Variants in ZNF724 observed in about 807,000 individuals in gnomAD.
ZNF724 encodes the protein zinc finger protein 724 pseudogene.
In ZNF724, 14 loss-of-function variants were observed where a neutral mutation model predicts 29.3. The ratio of observed to expected loss-of-function variants is 0.48; its 90% confidence interval spans 0.32 to 0.75. ZNF724 has a LOEUF of 0.75. ZNF724 is among the 30% of genes least tolerant of loss of function. ZNF724 has a pLI of 0.04. For missense variants in ZNF724, 557 were observed against 571.2 expected (o/e 0.98, Z 0.25); for synonymous variants, 180 against 193.6 (o/e 0.93, Z 0.58).
At position 23,224,863 on chromosome 19, in the gene ZNF724, G is replaced by A. The variant is rs1264986635; in HGVS notation, c.227-845C>T. On this transcript the variant is annotated intron_variant, in intron 3 of 3. Transcript: ENST00000418100. ...CCAGCTACTTGGGAGGCTAAGGCAG[G>A]AGAATCGCTTGAACCTGGGAGGCAG... 9.9e-5 allele frequency among the ~76,000 whole-genome samples: 15 copies of A among 151,958 alleles called. No individual in the cohort carries two copies. In the South Asian group the frequency reaches 2.7e-3, roughly 27 times the overall value.
chr19:23,232,808 T>C (rs1353708660), intron 1 of ZNF724, among the ~76,000 whole-genome samples: 1 of 52,502 alleles, frequency 1.9e-5, no homozygotes, highest in African/African-American at 6.5e-5. Flanking sequence ...ACAAGTGAAA[T>C]AACCTGTTTT....
Position 23,223,283 on chromosome 19 carries a change from T to C in ZNF724, c.962A>G (p.Gln321Arg). The change falls in exon 4 of 4, where the codon CAA becomes CGA. Residue 321 changes from glutamine (Q) to arginine (R), a missense_variant. By Grantham distance (43) the Gln-to-Arg change is conservative. This residue lies in a region of ZNF724 where 362 missense variants were observed against 295.5 expected (regional missense o/e 1.22). Coordinates refer to ENST00000418100, the MANE Select transcript of ZNF724 (RefSeq NM_001355404.2). ...CTTATGTTTAGTAAGGTTCGAGGAT[T>C]GGTTAAAAGCTCTGCCACAATGTTC... Reference protein sequence around the residue: ...ICEHCGRAFNQSSNLTKHKRI... With the variant: ...ICEHCGRAFNRSSNLTKHKRI... The C allele has an allele frequency of 1.2e-6, 1 of 802,506 alleles. No individual in the cohort carries two copies. The highest frequency in any genetic ancestry group is 2.2e-6 in the Non-Finnish European group (1 of 447,284). 49.7% of individuals were successfully genotyped at this position (802,506 alleles called of 1,614,324 possible). A position where few individuals can be genotyped will look rare whatever the true frequency, so the allele number is the denominator to read the frequency against.
chr19:23,221,880 A>C lies in ZNF724; in HGVS notation c.*505T>G, dbSNP rs1971720807. 6.7e-6 allele frequency: 1 copy of C among 149,816 alleles called. No individual in the cohort carries two copies. 9.3% of individuals were successfully genotyped at this position (149,816 alleles called of 1,614,324 possible). On this transcript the variant is annotated 3_prime_UTR_variant, in exon 4 of 4. Transcript: ENST00000418100. ...GCCTGAGCCACCATGCCCAGCTTACACTCTTGATATTTTAATGCTTGTCTT... is the reference window on the plus strand; with the variant it reads ...GCCTGAGCCACCATGCCCAGCTTACCCTCTTGATATTTTAATGCTTGTCTT...
rs769103478 is a variant in ZNF724 at position 23,223,718 on chromosome 19, C to T, written c.527G>A (p.Gly176Asp). The T allele has an allele frequency of 2.8e-5, 20 of 723,010 alleles. No homozygotes were observed. In the East Asian group the frequency reaches 4.8e-4, roughly 17 times the overall value. 44.8% of individuals were successfully genotyped at this position (723,010 alleles called of 1,614,324 possible). Residue 176 changes from glycine (G) to aspartate (D), a missense_variant, in exon 4 of 4, where the codon GGC (glycine) becomes GAC (aspartate). By Grantham distance (94) the Gly-to-Asp change is moderately conservative. Coordinates refer to ENST00000418100, the MANE Select transcript of ZNF724 (RefSeq NM_001355404.2). ...GTGTGAAAGAACACAAAATGACTTG[C>T]CACATTCTTTACATTTGAAAGGATT... ...EKNPFKCKEC[G>D]KSFCVLSHLT...
At chr19:23,229,841 T>C (rs1971904073) in intron 3 of ZNF724, among the ~76,000 whole-genome samples, 1 of 152,214 alleles carries the variant, frequency 6.6e-6, no homozygotes, top group Non-Finnish European at 1.5e-5. Context: ...TGCAAAACTA[T>C]ATTGTGCCCA....
intron 3 of ZNF724, among the ~76,000 whole-genome samples, chr19:23,225,158 T>C (rs1971804286): frequency 6.6e-6 from 1 of 152,210 alleles, no homozygotes; most frequent in African/African-American, 2.4e-5. Flanking sequence ...ATCCAAAGTA[T>C]GCAACACAGG....
chr19:23,249,785 C>T (rs1417103679), intron 1 of ZNF724, among the ~76,000 whole-genome samples: 1 of 152,164 alleles, frequency 6.6e-6, no homozygotes, highest in Non-Finnish European at 1.5e-5. Context: ...CCGCCCGCCT[C>T]GGCCTCTCGA....
chr19:23,225,479 G>A (rs2145772049), intron 3 of ZNF724, among the ~76,000 whole-genome samples: 1 of 152,116 alleles, frequency 6.6e-6, no homozygotes. Context: ...GATGGTGGGT[G>A]CCTGTATTCC....
At chr19:23,242,742 TA>T (rs1972151673) in intron 1 of ZNF724, 1 of 127,820 alleles carries the variant, frequency 7.8e-6, no homozygotes, top group East Asian at 2.4e-4. Context: ...ATAATAATAA[TA>T]ATAATAATAA....
At chr19:23,229,007 G>T (rs1450777563) in intron 3 of ZNF724, among the ~76,000 whole-genome samples, 1 of 151,958 alleles carries the variant, frequency 6.6e-6, no homozygotes, top group Non-Finnish European at 1.5e-5. Context: ...AGGTTACAGT[G>T]AGTTGAGATG....
intron 1 of ZNF724, chr19:23,242,718 A>T (rs1972149354): frequency 2.3e-5 from 1 of 44,416 alleles, no homozygotes; most frequent in African/African-American, 6.5e-5. Context: ...CGTCTGAAAA[A>T]AGAAAAAGTA....
At chr19:23,224,680 G>A (rs1176577032) in intron 3 of ZNF724, among the ~76,000 whole-genome samples, 1 of 150,540 alleles carries the variant, frequency 6.6e-6, no homozygotes, top group African/African-American at 2.4e-5. Flanking sequence ...ACCCAGCCAG[G>A]CAGGGTGGCT....
intron 1 of ZNF724, among the ~76,000 whole-genome samples, chr19:23,248,080 G>A (rs1972274141): frequency 6.6e-6 from 1 of 152,074 alleles, no homozygotes; most frequent in South Asian, 2.1e-4. Context: ...GACCCCCAAA[G>A]CATTATGATC....
Position 23,239,978 on chromosome 19 carries a change from G to T in ZNF724, c.4-7685C>A, listed in dbSNP as rs962594174. On this transcript the variant is annotated intron_variant, in intron 1 of 3. Coordinates refer to ENST00000418100, the MANE Select transcript of ZNF724 (RefSeq NM_001355404.2). ...AATTAAGAAGATAAACCGCTAGCAA[G>T]ATTAGCAAAGAAAGAAGATCCAAAT... Among the ~76,000 whole-genome samples, 83 of 152,114 alleles carry T rather than the reference G, an allele frequency of 5.5e-4. 1 individual carries two copies. Among genetic ancestry groups the T allele is most frequent in the African/African-American group, 1.8e-3 (73 of 41,428 alleles).
intron 1 of ZNF724, among the ~76,000 whole-genome samples, chr19:23,233,403 T>C (rs1412593014): frequency 3.3e-5 from 5 of 152,196 alleles, no homozygotes; most frequent in African/African-American, 9.6e-5. Context: ...CGGTTCTGCA[T>C]AGGGCTAATA....
intron 1 of ZNF724, among the ~76,000 whole-genome samples, chr19:23,243,400 T>C (rs1972169573): frequency 7.5e-6 from 1 of 133,248 alleles, no homozygotes; most frequent in African/African-American, 3.0e-5. Flanking sequence ...CACTTGAACC[T>C]GGGAGGCAGA....
chr19:23,224,396 G>C (rs142269896), intron 3 of ZNF724, among the ~76,000 whole-genome samples: 1 of 152,092 alleles, frequency 6.6e-6, no homozygotes, highest in Non-Finnish European at 1.5e-5. Context: ...CTGGAGAACA[G>C]AGCAAGACTT....
At chr19:23,245,052 T>G (rs1972212828) in intron 1 of ZNF724, among the ~76,000 whole-genome samples, 1 of 152,198 alleles carries the variant, frequency 6.6e-6, no homozygotes, top group African/African-American at 2.4e-5. Flanking sequence ...CCATCTTTTG[T>G]GTGCTCCAGA....
At chr19:23,234,392 T>G (rs183075987) in intron 1 of ZNF724, among the ~76,000 whole-genome samples, 1 of 152,298 alleles carries the variant, frequency 6.6e-6, no homozygotes, top group Non-Finnish European at 1.5e-5. Context: ...AAACGTCAAT[T>G]AACTTTTCCA....
Sources: gnomAD v4.1 joint callset for allele counts (sites outside exome capture counted in the v4.1 genomes callset) on GRCh38, gnomAD v4.1.1 for gene constraint, gnomAD v4.1.1 regional missense constraint, MANE v1.5 for transcripts, NCBI Gene and HGNC (gene_info 2026-07-23, HGNC 2026-07-21) for gene names.